Variants in KCNK13 observed in about 807,000 individuals in gnomAD.
The protein encoded by KCNK13 is potassium channel subfamily K member 13.
KCNK13 carries 12 observed loss-of-function variants against 23.4 expected under a neutral mutation model. The ratio of observed to expected loss-of-function variants is 0.51; its 90% CI spans 0.33 to 0.83. The LOEUF is 0.83. KCNK13 is among the 40% of genes least tolerant of loss of function. The pLI is 0.02. For missense variants in KCNK13, 463 were observed against 556.3 expected, an observed-to-expected ratio of 0.83 and a Z score of 1.69; for synonymous variants, 231 against 229.5, an observed-to-expected ratio of 1.01 and a Z score of -0.06.
At chr14:90,088,762 C>T (rs1152440) in intron 1 of KCNK13, among the ~76,000 whole-genome samples, 38,912 of 152,044 alleles carry the variant, frequency 0.26, 5,393 homozygotes, top group Non-Finnish European at 0.32. Context: ...ACAATTCCCA[C>T]GTGTCATGGG....
In KCNK13 at chr14:90,062,247, C is replaced by A. The variant is rs766187755; in HGVS notation, c.42C>A (p.Asn14Lys). The A allele has an allele frequency of 6.7e-7, 1 of 1,501,082 alleles. No individual in the cohort carries two copies. The highest frequency in any genetic ancestry group is 1.2e-5 in the South Asian group (1 of 83,644). The allele number at this position is 1,501,082 out of a possible 1,614,324, so 93.0% of individuals were successfully genotyped here. Residue 14 changes from asparagine (N) to lysine (K), a missense_variant, in exon 1 of 2, where the codon AAC (asparagine) becomes AAA (lysine). Coordinates refer to ENST00000282146, the MANE Select transcript of KCNK13 (RefSeq NM_022054.4). The surrounding 1 kb of genome is among the most constrained non-coding windows in gnomAD (Gnocchi z 4.5). Reference protein sequence around the residue: ...RGFSWGPGHLNEDNARFLLLA... With the variant: ...RGFSWGPGHLKEDNARFLLLA... ...TCAGCTGGGGCCCGGGCCACCTGAA[C>A]GAGGACAACGCGCGCTTTCTGCTGC...
chr14:90,078,518 GAAT>G (rs1450081196), intron 1 of KCNK13, among the ~76,000 whole-genome samples: 1 of 150,950 alleles, frequency 6.6e-6, no homozygotes, highest in Non-Finnish European at 1.5e-5. Context: ...GAAAAAGAAA[GAAT>G]AAAAGGCATG....
At chr14:90,096,408 A>G (rs1232483043) in intron 1 of KCNK13, among the ~76,000 whole-genome samples, 3 of 152,258 alleles carry the variant, frequency 2.0e-5, no homozygotes, top group Non-Finnish European at 4.4e-5. Flanking sequence ...ATACATCAGG[A>G]ACCAGGGACA....
chr14:90,103,284 C>T (rs1274689296), intron 1 of KCNK13, among the ~76,000 whole-genome samples: 1 of 152,124 alleles, frequency 6.6e-6, no homozygotes, highest in Non-Finnish European at 1.5e-5. Flanking sequence ...GATCTGTTTT[C>T]CTTTGATATA....
rs117920609 is a variant in KCNK13 at position 90,086,916 on chromosome 14, C to A, written c.334+24377C>A. On this transcript the variant is annotated intron_variant, in intron 1 of 1. Coordinates refer to ENST00000282146, the MANE Select transcript of KCNK13 (RefSeq NM_022054.4). ...CCTGAGGGACTAACCTTGAGCATAT[C>A]TTCCAATGATGAATGATGAATGTAG... Among the ~76,000 whole-genome samples, 387 of 151,928 alleles carry A rather than the reference C, an allele frequency of 2.5e-3. 1 individual carries two copies. Among genetic ancestry groups the A allele is most frequent in the Non-Finnish European group, 4.0e-3 (269 of 67,960 alleles).
rs150986223 is a variant in KCNK13 at position 90,070,991 on chromosome 14, C to G, written c.334+8452C>G. Reference sequence around the variant, plus strand: ...TTTCCTGCTGGGAACATTTCAATATCTGGAAATTAGAGCTGTGTTGTAGGA... The same window carrying G: ...TTTCCTGCTGGGAACATTTCAATATGTGGAAATTAGAGCTGTGTTGTAGGA... On this transcript the variant is annotated intron_variant, in intron 1 of 1. Transcript: ENST00000282146. 5.0e-3 allele frequency among the ~76,000 whole-genome samples: 762 copies of G among 152,310 alleles called. 5 individuals carry two copies. Among genetic ancestry groups the G allele is most frequent in the African/African-American group, 0.017 (717 of 41,566 alleles).
intron 1 of KCNK13, among the ~76,000 whole-genome samples, chr14:90,140,425 A>C (rs1260533407): frequency 6.6e-6 from 1 of 152,210 alleles, no homozygotes; most frequent in Non-Finnish European, 1.5e-5. Context: ...CAAGGCAGTA[A>C]TTTGATACTG....
At chr14:90,083,502 C>T (rs1305175229) in intron 1 of KCNK13, among the ~76,000 whole-genome samples, 1 of 152,188 alleles carries the variant, frequency 6.6e-6, no homozygotes, top group Admixed American at 6.5e-5. Context: ...CTCCACAACT[C>T]ACATGGAAAT....
chr14:90,132,534 ACT>A (rs1889886709), intron 1 of KCNK13, among the ~76,000 whole-genome samples: 1 of 146,628 alleles, frequency 6.8e-6, no homozygotes, highest in South Asian at 2.1e-4. Flanking sequence ...ACAAAGTGAG[ACT>A]CTGTCTCAAA....
chr14:90,144,134 A>G (rs949260871), intron 1 of KCNK13, among the ~76,000 whole-genome samples: 9 of 152,318 alleles, frequency 5.9e-5, no homozygotes, highest in Admixed American at 5.2e-4. Context: ...CATTGAATCA[A>G]TCTGGGGAGA....
chr14:90,127,015 G>A (rs57737016), intron 1 of KCNK13, among the ~76,000 whole-genome samples: 4,163 of 152,114 alleles, frequency 0.027, 172 homozygotes, highest in African/African-American at 0.095. Flanking sequence ...GCAGTATCCC[G>A]GATCCTAGAA....
At chr14:90,131,978 T>A (rs1303413637) in intron 1 of KCNK13, among the ~76,000 whole-genome samples, 3 of 152,174 alleles carry the variant, frequency 2.0e-5, no homozygotes, top group Non-Finnish European at 4.4e-5. Context: ...TATTTATACA[T>A]CCATGTTCAC....
chr14:90,078,678 C>T (rs1889171770), intron 1 of KCNK13, among the ~76,000 whole-genome samples: 1 of 152,046 alleles, frequency 6.6e-6, no homozygotes, highest in South Asian at 2.1e-4. Context: ...GCTGAGAACT[C>T]AGCAAAGGGT....
intron 1 of KCNK13, among the ~76,000 whole-genome samples, chr14:90,153,591 T>C (rs1384996843): frequency 6.6e-6 from 1 of 152,240 alleles, no homozygotes; most frequent in Non-Finnish European, 1.5e-5. Context: ...TTTTTTGTCA[T>C]GATCTAAGCA....
intron 1 of KCNK13, among the ~76,000 whole-genome samples, chr14:90,082,399 A>G (rs1175717397): frequency 6.6e-6 from 1 of 152,028 alleles, no homozygotes; most frequent in Non-Finnish European, 1.5e-5. Flanking sequence ...GGTCTCAGGT[A>G]TTGTGTTACC....
chr14:90,137,466 G>A (rs1000812284), intron 1 of KCNK13, among the ~76,000 whole-genome samples: 5 of 151,808 alleles, frequency 3.3e-5, no homozygotes, highest in Admixed American at 1.3e-4. Context: ...GATTACAGGC[G>A]CCCGCCAACA....
At position 90,062,260 on chromosome 14, in the gene KCNK13, C is replaced by A; in HGVS notation, c.55C>A (p.Arg19Ser). The stretch of plus-strand genomic sequence containing the variant: ...GGGCCACCTGAACGAGGACAACGCG[C>A]GCTTTCTGCTGCTGGCCGCGCTCAT... ...GPGHLNEDNA[R>S]FLLLAALIVL... The change falls in exon 1 of 2, where the codon CGC (arginine) becomes AGC (serine). Residue 19 changes from arginine (R) to serine (S), a missense_variant. Coordinates refer to ENST00000282146, the MANE Select transcript of KCNK13 (RefSeq NM_022054.4). This position sits in a 1 kb window ranked among gnomAD's most constrained non-coding sequence, Gnocchi z 4.5. The A allele has an allele frequency of 6.4e-7, 1 of 1,556,642 alleles. No individual in the cohort carries two copies. The highest frequency in any genetic ancestry group is 8.6e-7 in the Non-Finnish European group (1 of 1,160,810).
intron 1 of KCNK13, among the ~76,000 whole-genome samples, chr14:90,080,622 C>T (rs531315004): frequency 3.9e-5 from 6 of 152,234 alleles, no homozygotes; most frequent in African/African-American, 1.4e-4. Context: ...TTTATATTTG[C>T]AGCCATCATC....
intron 1 of KCNK13, among the ~76,000 whole-genome samples, chr14:90,123,198 T>C (rs892492254): frequency 6.6e-6 from 1 of 152,204 alleles, no homozygotes; most frequent in African/African-American, 2.4e-5. Flanking sequence ...TCTGTATCAG[T>C]TGGCTAGGGC....
Sources: allele counts gnomAD v4.1 joint callset (sites outside exome capture counted in the v4.1 genomes callset), GRCh38; gene constraint gnomAD v4.1.1; non-coding constraint Gnocchi (gnomAD v3.1); transcripts MANE v1.5; gene names NCBI Gene and HGNC (gene_info 2026-07-23, HGNC 2026-07-21).